The following ACVR1 variants were observed in gnomAD, a reference collection of about 807,000 sequenced individuals.
ACVR1 encodes activin receptor type-1.
ACVR1 carries 38 observed loss-of-function variants against 57.1 expected under a neutral mutation model. The ratio of observed to expected loss-of-function variants is 0.67; its 90% CI spans 0.51 to 0.87. ACVR1 has a LOEUF of 0.87. Ranked by LOEUF, ACVR1 falls within the 40% of genes least tolerant of loss-of-function variation. ACVR1 has a pLI of 0.00. For missense variants in ACVR1, 463 were observed against 638.2 expected (o/e 0.73, Z 2.96); for synonymous variants, 212 against 228.1 (o/e 0.93, Z 0.63).
chr2:157,828,195 C>A (rs1043591542), intron 1 of ACVR1, among the ~76,000 whole-genome samples: 1 of 152,046 alleles, frequency 6.6e-6, no homozygotes, highest in Non-Finnish European at 1.5e-5. Flanking sequence ...CGCCTGTATT[C>A]CCAGCATTTT....
At chr2:157,790,647 G>A (rs749651591) in intron 3 of ACVR1, among the ~76,000 whole-genome samples, 6 of 152,118 alleles carry the variant, frequency 3.9e-5, no homozygotes, top group Admixed American at 1.3e-4. Flanking sequence ...TTCTACGTTC[G>A]CACTAAGGCT....
intron 2 of ACVR1, among the ~76,000 whole-genome samples, chr2:157,810,186 G>C (rs1446800874): frequency 3.3e-5 from 5 of 152,194 alleles, no homozygotes; most frequent in Non-Finnish European, 7.3e-5. Context: ...CAAACACTGT[G>C]ATTATGAAAT....
In ACVR1 at chr2:157,774,201, C is replaced by T. The variant is rs999599019; in HGVS notation, c.544-14G>A. The T allele has an allele frequency of 6.2e-7, 1 of 1,608,454 alleles. No individual in the cohort carries two copies. The highest frequency in any genetic ancestry group is 8.5e-7 in the Non-Finnish European group (1 of 1,175,088). ...ATCCAATAAATCCTGTGGTTTAAGA[C>T]AAGGGGGAAAAGAAACGATTGAGCA... On this transcript the variant is annotated splice_polypyrimidine_tract_variant and intron_variant, in intron 5 of 10. Coordinates refer to ENST00000434821, the MANE Select transcript of ACVR1 (RefSeq NM_001111067.4).
intron 3 of ACVR1, among the ~76,000 whole-genome samples, chr2:157,792,976 C>T (rs778933901): frequency 2.0e-5 from 3 of 152,152 alleles, no homozygotes; most frequent in South Asian, 2.1e-4. Context: ...GAGTTCATCC[C>T]GGGCTGCAGA....
chr2:157,844,444 G>C (rs577871005), intron 1 of ACVR1, among the ~76,000 whole-genome samples: 42 of 152,058 alleles, frequency 2.8e-4, no homozygotes, highest in Admixed American at 2.1e-3. Flanking sequence ...AGGTTCCAGG[G>C]AATCAAAAGT....
intron 3 of ACVR1, among the ~76,000 whole-genome samples, chr2:157,785,459 TAAG>T (rs1686679908): frequency 6.6e-6 from 1 of 152,128 alleles, no homozygotes. Context: ...ACAAAGGCTT[TAAG>T]AAGGATTTTG....
At chr2:157,779,359 A>C (rs1686416908) in intron 4 of ACVR1, among the ~76,000 whole-genome samples, 1 of 152,204 alleles carries the variant, frequency 6.6e-6, no homozygotes, top group African/African-American at 2.4e-5. Flanking sequence ...TAACCATGTA[A>C]ATACTTGATC....
intron 7 of ACVR1, 125 bp from the exon 8 acceptor site, chr2:157,766,321 C>T: frequency 1.0e-6 from 1 of 968,906 alleles, no homozygotes; most frequent in Non-Finnish European, 1.6e-6. Flanking sequence ...TGACCAATTG[C>T]CCTAAGAGGA....
intron 1 of ACVR1, among the ~76,000 whole-genome samples, chr2:157,855,343 CACAA>C (rs1689494644): frequency 1.7e-5 from 2 of 119,328 alleles, no homozygotes; most frequent in African/African-American, 7.7e-5. Flanking sequence ...CACACACACA[CACAA>C]AAATTAGCCG....
intron 1 of ACVR1, among the ~76,000 whole-genome samples, chr2:157,832,488 G>A (rs971434259): frequency 3.9e-5 from 6 of 152,284 alleles, no homozygotes; most frequent in African/African-American, 9.6e-5. Context: ...GGGGTGGGAA[G>A]ATGGGGATGT....
chr2:157,826,840 G>C (rs1402665697), intron 1 of ACVR1, among the ~76,000 whole-genome samples: 13 of 120,774 alleles, frequency 1.1e-4, no homozygotes, highest in Non-Finnish European at 2.1e-4. Flanking sequence ...AGAGGGGAGA[G>C]GGGAAAAGGA....
At chr2:157,754,542 C>T (rs1271421459) in intron 9 of ACVR1, among the ~76,000 whole-genome samples, 2 of 152,122 alleles carry the variant, frequency 1.3e-5, no homozygotes, top group African/African-American at 4.8e-5. Context: ...ATACAACCCT[C>T]CTAGCTTAAA....
chr2:157,801,632 G>C (rs79998572), intron 2 of ACVR1, among the ~76,000 whole-genome samples: 2,176 of 152,224 alleles, frequency 0.014, 58 homozygotes, highest in African/African-American at 0.049. Context: ...AGTGGCTTGA[G>C]ACTTTCATTG....
intron 2 of ACVR1, among the ~76,000 whole-genome samples, chr2:157,805,775 C>T (rs1378947147): frequency 2.7e-5 from 4 of 150,340 alleles, no homozygotes; most frequent in Admixed American, 1.3e-4. Flanking sequence ...TCATCCTTAA[C>T]AGTTTTTTGT....
At chr2:157,751,168 C>A (rs1033694584) in intron 9 of ACVR1, among the ~76,000 whole-genome samples, 1 of 152,184 alleles carries the variant, frequency 6.6e-6, no homozygotes, top group Admixed American at 6.5e-5. Flanking sequence ...ACTGTCCACC[C>A]CCAAACACAC....
At position 157,737,642 on chromosome 2, in the gene ACVR1, T is replaced by A. The variant is rs200076999; in HGVS notation, c.1419A>T (p.Leu473=). Residue 473 remains leucine, a synonymous_variant, in exon 11 of 11, where the codon CTA becomes CTT. Transcript: ENST00000434821. The part of the protein sequence containing the change: ...SDPTLTSLAK[L]MKECWYQNPS... ...GATTTTGATACCAGCATTCTTTCAT[T>A]AGCTTGGCCAGAGAGGTTAATGTCT... 13 of 1,614,030 alleles carry A rather than the reference T, an allele frequency of 8.1e-6. No homozygotes were observed. The highest frequency in any genetic ancestry group is 1.0e-5 in the Non-Finnish European group (12 of 1,179,996).
intron 1 of ACVR1, 22 bp from the exon 2 acceptor site, chr2:157,818,581 A>T (rs1000836868): frequency 6.6e-6 from 1 of 152,290 alleles, no homozygotes; most frequent in Non-Finnish European, 1.5e-5. Flanking sequence ...AAGAAGAAAG[A>T]AAACCAGCTA....
chr2:157,810,518 C>T lies in ACVR1; in HGVS notation c.-8+7867G>A, dbSNP rs543234540. 3.2e-4 allele frequency among the ~76,000 whole-genome samples: 48 copies of T among 152,280 alleles called. No homozygotes were observed. The South Asian group carries it at 8.3e-3, about 26-fold the overall frequency. ...CTCCCTTAATATGTAATTCAAAATG[C>T]TAACAAGTGAAAGAAACATCTAATC... On this transcript the variant is annotated intron_variant, in intron 2 of 10. Transcript: ENST00000434821.
chr2:157,752,816 T>C (rs1174360908), intron 9 of ACVR1, among the ~76,000 whole-genome samples: 1 of 152,076 alleles, frequency 6.6e-6, no homozygotes, highest in Non-Finnish European at 1.5e-5. Context: ...TTGAAACAAA[T>C]CCTGGAAACA....
Sources: gnomAD v4.1 joint callset for allele counts (sites outside exome capture counted in the v4.1 genomes callset) on GRCh38, gnomAD v4.1.1 for gene constraint, MANE v1.5 for transcripts, NCBI Gene and HGNC (gene_info 2026-07-23, HGNC 2026-07-21) for gene names.